The following CACNA1B variants were observed in gnomAD, a reference collection of about 807,000 sequenced individuals.
CACNA1B encodes the protein calcium voltage-gated channel subunit alpha1 B.
In CACNA1B, 70 loss-of-function variants were observed where a neutral mutation model predicts 247.2. The ratio of observed to expected loss-of-function variants is 0.28; its 90% CI spans 0.23 to 0.35. The LOEUF (loss-of-function observed/expected upper bound fraction) is 0.35, where lower values mean the gene tolerates loss of function less well. Among genes scored for constraint, CACNA1B ranks in the 10% least tolerant of loss-of-function variants. The pLI is 1.00. For missense variants in CACNA1B, 2,367 were observed against 3,197.4 expected (o/e 0.74, Z 6.26); for synonymous variants, 1,231 against 1,294.4 (o/e 0.95, Z 1.05).
At chr9:137,959,187 C>G (rs1401931719) in intron 10 of CACNA1B, among the ~76,000 whole-genome samples, 1 of 152,108 alleles carries the variant, frequency 6.6e-6, no homozygotes. Flanking sequence ...ATTCTCCTGC[C>G]TCAGCAACCC....
At chr9:138,026,117 T>C (rs1958918076) in intron 20 of CACNA1B, among the ~76,000 whole-genome samples, 1 of 152,204 alleles carries the variant, frequency 6.6e-6, no homozygotes, top group Non-Finnish European at 1.5e-5. Flanking sequence ...CAGACAGATC[T>C]CCAGACACAC....
In CACNA1B at chr9:138,120,114, C is replaced by T. The variant is rs547252495; in HGVS notation, c.6031-51C>T. On this transcript the variant is annotated intron_variant, in intron 44 of 46. Transcript: ENST00000371372. ...ACCACCCACTTCCATGCCTGCATTC[C>T]CGCTGACCCTGGTGCCTCCCCTAGG... is the stretch of plus-strand genomic sequence containing the variant. 5.4e-4 allele frequency: 797 copies of T among 1,469,658 alleles called. 12 individuals carry two copies. The East Asian group carries it at 0.019, about 35-fold the overall frequency. 91.0% of individuals were successfully genotyped at this position (1,469,658 alleles called of 1,614,324 possible). A position where few individuals can be genotyped will look rare whatever the true frequency, so the allele number is the denominator to read the frequency against.
chr9:138,115,813 A>T, intron 42 of CACNA1B, 134 bp downstream of exon 42: 3 of 887,078 alleles, frequency 3.4e-6, no homozygotes, highest in Middle Eastern at 3.5e-4. Flanking sequence ...GCTTGGAGGC[A>T]CCTGAGGGGC....
chr9:138,024,051 G>A (rs1829115894), intron 19 of CACNA1B, among the ~76,000 whole-genome samples: 1 of 152,256 alleles, frequency 6.6e-6, no homozygotes, highest in Non-Finnish European at 1.5e-5. Context: ...AAAAGGCTTG[G>A]CAGAGTGTTT....
At position 138,047,446 on chromosome 9, in the gene CACNA1B, G is replaced by A; in HGVS notation, c.3591G>A (p.Glu1197=). The A allele has an allele frequency of 6.2e-7, 1 of 1,610,828 alleles. No individual in the cohort carries two copies. Among genetic ancestry groups the A allele is most frequent in the Non-Finnish European group, 8.5e-7 (1 of 1,176,966 alleles). Residue 1197 remains glutamate (E), a synonymous_variant, in exon 23 of 47, where the codon GAG becomes GAA. Transcript: ENST00000371372. ...DYIFTGVFTF[E]MVIKMIDLGL... The stretch of plus-strand genomic sequence containing the variant: ...TTTTCACTGGTGTCTTTACCTTTGA[G>A]ATGGTGATAAAGGTGAGATATGTGG...
At chr9:137,960,528 CCA>C (rs1958008692) in intron 10 of CACNA1B, among the ~76,000 whole-genome samples, 2 of 132,716 alleles carry the variant, frequency 1.5e-5, no homozygotes, top group Admixed American at 7.5e-5. Context: ...TGAGGGATGC[CCA>C]GGGGAGAGAG....
chr9:137,979,063 T>C (rs754466929), intron 12 of CACNA1B, among the ~76,000 whole-genome samples: 3 of 152,242 alleles, frequency 2.0e-5, no homozygotes, highest in Non-Finnish European at 4.4e-5. Context: ...CTTTTTCATG[T>C]CTTCCAATCT....
intron 6 of CACNA1B, among the ~76,000 whole-genome samples, chr9:137,931,295 A>G (rs866703713): frequency 2.6e-5 from 4 of 152,136 alleles, no homozygotes; most frequent in South Asian, 2.1e-4. Flanking sequence ...TACTCTCTAG[A>G]GGTTTCCCAT....
At chr9:137,993,677 A>G (rs540402153) in intron 15 of CACNA1B, among the ~76,000 whole-genome samples, 1 of 152,348 alleles carries the variant, frequency 6.6e-6, no homozygotes, top group East Asian at 1.9e-4. Flanking sequence ...ACAGACCAGT[A>G]ACGAGTAGCG....
rs144328961 is a variant in CACNA1B at position 138,077,514 on chromosome 9, C to T, written c.4950-600C>T. Among the ~76,000 whole-genome samples the T allele has an allele frequency of 2.0e-3, 309 of 152,242 alleles. 1 individual carries two copies. Among genetic ancestry groups the T allele is most frequent in the African/African-American group, 7.1e-3 (295 of 41,528 alleles). ...ATTTCTGATGAGCGAGGCAAGTCAT[C>T]GGAGGGTTTTGAGAGGAGGAAGAAT... is the stretch of plus-strand genomic sequence containing the variant. On this transcript the variant is annotated intron_variant, in intron 35 of 46. Coordinates refer to ENST00000371372, the MANE Select transcript of CACNA1B (RefSeq NM_000718.4).
At position 138,073,836 on chromosome 9, in the gene CACNA1B, G is replaced by C. The variant is rs1380295561; in HGVS notation, c.4792-165G>C. Among the ~76,000 whole-genome samples, 1 of 152,246 alleles carries C rather than the reference G, an allele frequency of 6.6e-6. No homozygotes were observed. Among genetic ancestry groups the C allele is most frequent in the African/African-American group, 2.4e-5 (1 of 41,452 alleles). ...GTGGGTTTCATGACTCCGAGTTAGA[G>C]ATAAAGAAACTGGGGCATCACTTGG... On this transcript the variant is annotated intron_variant, in intron 33 of 46. Coordinates refer to ENST00000371372, the MANE Select transcript of CACNA1B (RefSeq NM_000718.4). This position sits in a 1 kb window ranked among gnomAD's most constrained non-coding sequence, Gnocchi z 6.4.
chr9:137,992,796 CAAA>C (rs58721134), intron 15 of CACNA1B, among the ~76,000 whole-genome samples: 92 of 104,776 alleles, frequency 8.8e-4, no homozygotes, highest in East Asian at 1.8e-3. Context: ...GACTCCGTCT[CAAA>C]AAAAAAAAAA....
intron 16 of CACNA1B, among the ~76,000 whole-genome samples, chr9:138,008,879 G>T (rs747579556): frequency 6.6e-6 from 1 of 152,244 alleles, no homozygotes; most frequent in African/African-American, 2.4e-5. Flanking sequence ...GCTGCCTGCC[G>T]TCCCATAGAG....
chr9:138,068,653 G>C, intron 31 of CACNA1B: 1 of 518,628 alleles, frequency 1.9e-6, no homozygotes, highest in Non-Finnish European at 3.9e-6. Flanking sequence ...GAAACATTGA[G>C]CTCCCAGCTG....
chr9:138,054,056 C>T lies in CACNA1B; in HGVS notation c.3968+50C>T. 6.4e-7 allele frequency: 1 copy of T among 1,557,630 alleles called. No homozygotes were observed. Among genetic ancestry groups the T allele is most frequent in the Non-Finnish European group, 8.8e-7 (1 of 1,130,038 alleles). On this transcript the variant is annotated intron_variant, in intron 26 of 46. Transcript: ENST00000371372. This position sits in a 1 kb window ranked among gnomAD's most constrained non-coding sequence, Gnocchi z 4.6. ...GGGACACACAGCCCCATGATGCAGACAACACTGGGAGTTCCCTTGGGACCA... is the reference window on the plus strand; with the variant it reads ...GGGACACACAGCCCCATGATGCAGATAACACTGGGAGTTCCCTTGGGACCA...
Position 138,023,102 on chromosome 9 carries a change from C to G in CACNA1B, c.2359C>G (p.Leu787Val). The G allele has an allele frequency of 6.5e-7, 1 of 1,533,796 alleles. No homozygotes were observed. The highest frequency in any genetic ancestry group is 8.7e-7 in the Non-Finnish European group (1 of 1,147,180). Residue 787 changes from leucine (L) to valine (V), a missense_variant, in exon 19 of 47, where the codon CTG (leucine) becomes GTG (valine). Physicochemically the swap from Leu to Val is conservative, Grantham distance 32. Around this residue, in one of 12 missense-constraint regions of CACNA1B, gnomAD observed 631 missense variants for 631.1 expected, o/e 1.00. Coordinates refer to ENST00000371372, the MANE Select transcript of CACNA1B (RefSeq NM_000718.4). ...GAACCTGCGGGCCAGCTGCGAGGCG[C>G]TGTACAGCGAGATGGACCCCGAGGA... ...LQNLRASCEALYSEMDPEERL... is the reference protein window; with the variant it reads ...LQNLRASCEAVYSEMDPEERL...
chr9:137,964,778 C>G (rs923432547), intron 10 of CACNA1B, among the ~76,000 whole-genome samples: 10 of 152,216 alleles, frequency 6.6e-5, no homozygotes, highest in African/African-American at 2.4e-4. Flanking sequence ...AAGGGGCACT[C>G]TGGCTTTTTG....
In CACNA1B at chr9:138,120,365, G is replaced by A; in HGVS notation, c.6231G>A (p.Met2077Ile). Residue 2077 changes from methionine (M) to isoleucine (I), a missense_variant, in exon 45 of 47, where the codon ATG becomes ATA. Met to Ile is a conservative substitution (Grantham distance 10, BLOSUM62 1). Coordinates refer to ENST00000371372, the MANE Select transcript of CACNA1B (RefSeq NM_000718.4). ...LEKGPSLSAD[M>I]DGAPSSAVGP... ...AGGGGCCCAGCCTGTCTGCCGATATGGATGGCGGTGCGTGCGGAGGGGCCC... is the reference window on the plus strand; with the variant it reads ...AGGGGCCCAGCCTGTCTGCCGATATAGATGGCGGTGCGTGCGGAGGGGCCC... The A allele has an allele frequency of 6.4e-7, 1 of 1,552,250 alleles. No homozygotes were observed. Among genetic ancestry groups the A allele is most frequent in the South Asian group, 1.2e-5 (1 of 84,974 alleles).
intron 23 of CACNA1B, among the ~76,000 whole-genome samples, chr9:138,048,576 C>T (rs565180212): frequency 6.6e-6 from 1 of 152,222 alleles, no homozygotes; most frequent in Non-Finnish European, 1.5e-5. Context: ...GTAAAGGTGT[C>T]TCTAAGGTGC....
Sources: gnomAD v4.1 joint callset for allele counts (sites outside exome capture counted in the v4.1 genomes callset) on GRCh38, gnomAD v4.1.1 for gene constraint, gnomAD v4.1.1 regional missense constraint, Gnocchi (gnomAD v3.1) non-coding constraint, MANE v1.5 for transcripts, NCBI Gene and HGNC (gene_info 2026-07-23, HGNC 2026-07-21) for gene names.